The following HERC3 variants were observed in gnomAD, a reference collection of about 807,000 sequenced individuals.
HERC3 encodes the protein probable E3 ubiquitin-protein ligase HERC3.
A neutral mutation model predicts 129.9 loss-of-function variants in HERC3; 58 were observed. The observed-to-expected ratio is 0.45, with a 90% CI of 0.36 to 0.56. The LOEUF is 0.56. Among genes scored for constraint, HERC3 ranks in the 20% least tolerant of loss-of-function variants. The probability of loss-of-function intolerance (pLI) is 0.00; values close to 1 mark genes in which losing one functional copy is unlikely to be tolerated. For synonymous variants in HERC3, 430 were observed against 451.0 expected (o/e 0.95, Z 0.59); for missense variants, 835 against 1,244.2 (o/e 0.67, Z 4.95).
intron 23 of HERC3, chr4:88,690,407 T>C: frequency 1.0e-6 from 1 of 985,324 alleles, no homozygotes; most frequent in Non-Finnish European, 1.2e-6. Flanking sequence ...AGTACGTATG[T>C]AGATACATAC....
chr4:88,629,470 A>T (rs537317121), intron 3 of HERC3, among the ~76,000 whole-genome samples: 2 of 152,206 alleles, frequency 1.3e-5, no homozygotes, highest in Non-Finnish European at 1.5e-5. Flanking sequence ...TTTAATGACT[A>T]CATATTTCAT....
intron 3 of HERC3, among the ~76,000 whole-genome samples, chr4:88,637,391 A>G (rs1169009431): frequency 6.6e-6 from 1 of 152,166 alleles, no homozygotes; most frequent in Non-Finnish European, 1.5e-5. Context: ...GCGCCACTGC[A>G]CTCCAGCCTG....
chr4:88,549,505 A>G, the HERC3 span, among the ~76,000 whole-genome samples: 2 of 152,008 alleles, frequency 1.3e-5, no homozygotes, highest in Non-Finnish European at 2.9e-5. Flanking sequence ...CATTATTTTC[A>G]TCTTTATGTC....
intron 12 of HERC3, among the ~76,000 whole-genome samples, chr4:88,666,288 A>G (rs1006439204): frequency 5.9e-5 from 9 of 152,210 alleles, no homozygotes; most frequent in African/African-American, 1.7e-4. Context: ...ATCTCAGGAA[A>G]CCAATCAAAA....
the HERC3 span, among the ~76,000 whole-genome samples, chr4:88,579,893 T>C: frequency 6.6e-6 from 1 of 152,194 alleles, no homozygotes; most frequent in South Asian, 2.1e-4. Flanking sequence ...CTGTTAAATA[T>C]GGCAGACTTC....
the HERC3 span, among the ~76,000 whole-genome samples, chr4:88,578,532 A>G: frequency 6.6e-6 from 1 of 151,976 alleles, no homozygotes; most frequent in Non-Finnish European, 1.5e-5. Flanking sequence ...CAGTGAGCTA[A>G]GATCATGCCA....
At chr4:88,574,635 A>T in the HERC3 span, among the ~76,000 whole-genome samples, 148 of 152,234 alleles carry the variant, frequency 9.7e-4, no homozygotes, top group Middle Eastern at 6.8e-3. Context: ...TATAAACTTG[A>T]CTGCTTTAGG....
intron 23 of HERC3, chr4:88,693,659 C>T: frequency 1.0e-6 from 1 of 982,720 alleles, no homozygotes; most frequent in Non-Finnish European, 1.2e-6. Flanking sequence ...AAAGTGTGTA[C>T]ATGTGTGTAT....
At chr4:88,569,569 A>G in the HERC3 span, among the ~76,000 whole-genome samples, 1 of 152,194 alleles carries the variant, frequency 6.6e-6, no homozygotes, top group Admixed American at 6.5e-5. Context: ...GTTACTTTCA[A>G]TATATGTGGT....
At chr4:88,692,932 T>C in intron 23 of HERC3, 1 of 985,428 alleles carries the variant, frequency 1.0e-6, no homozygotes. Flanking sequence ...CTTTGCTGTT[T>C]TTCGTTTCAG....
At chr4:88,590,747 C>G (rs1721656852), upstream of HERC3, among the ~76,000 whole-genome samples, 1 of 152,182 alleles carries the variant, frequency 6.6e-6, no homozygotes, top group Non-Finnish European at 1.5e-5. Context: ...GGGCATTTAA[C>G]CAGTTCTTTT....
At chr4:88,704,863 C>CTTTCTTTTTTTTTTTTTTTTTTTT (rs1336673525) in intron 25 of HERC3, among the ~76,000 whole-genome samples, 9 of 130,672 alleles carry the variant, frequency 6.9e-5, no homozygotes, top group African/African-American at 9.0e-5. Context: ...TTCTTTCTTT[C>CTTTCTTTTTTTTTTTTTTTTTTTT]TTTTTTTTTT....
At chr4:88,544,619 C>G in the HERC3 span, among the ~76,000 whole-genome samples, 1 of 152,136 alleles carries the variant, frequency 6.6e-6, no homozygotes, top group Admixed American at 6.5e-5. Context: ...CACGTGCACA[C>G]GTATGTTTAT....
intron 2 of HERC3, among the ~76,000 whole-genome samples, chr4:88,603,151 T>C (rs1723201916): frequency 6.6e-6 from 1 of 152,066 alleles, no homozygotes; most frequent in Non-Finnish European, 1.5e-5. Context: ...AATCTACTGT[T>C]TACTGGCCAG....
At chr4:88,679,989 A>G (rs1485235097) in intron 19 of HERC3, 104 bp from the exon 20 acceptor site, 2 of 984,866 alleles carry the variant, frequency 2.0e-6, no homozygotes, top group Non-Finnish European at 2.9e-6. Context: ...ATTCTTTGTT[A>G]TGCTTTCCTT....
chr4:88,548,836 A>AT, the HERC3 span, among the ~76,000 whole-genome samples: 2 of 151,422 alleles, frequency 1.3e-5, no homozygotes, highest in South Asian at 2.1e-4. Context: ...AATTTTTTGT[A>AT]TTTTTTAGTA....
chr4:88,549,255 A>C, the HERC3 span, among the ~76,000 whole-genome samples: 2 of 152,000 alleles, frequency 1.3e-5, no homozygotes, highest in African/African-American at 4.8e-5. Flanking sequence ...TTTAATTTTA[A>C]TAACTTGCAT....
Position 88,624,758 on chromosome 4 carries a change from G to A in HERC3, c.226+18709G>A, listed in dbSNP as rs1010498892. Reference sequence around the variant, plus strand: ...TACTTTCACAGTTTATGCTTTTTGTGTCCTAAGAATTTTACCTAACTCACA... The same window carrying A: ...TACTTTCACAGTTTATGCTTTTTGTATCCTAAGAATTTTACCTAACTCACA... On this transcript the variant is annotated intron_variant, in intron 3 of 25. Coordinates refer to ENST00000402738, the MANE Select transcript of HERC3 (RefSeq NM_014606.3). 5.9e-5 allele frequency among the ~76,000 whole-genome samples: 9 copies of A among 152,174 alleles called. No homozygotes were observed. In the East Asian group the frequency reaches 1.7e-3, roughly 29 times the overall value.
intron 2 of HERC3, among the ~76,000 whole-genome samples, chr4:88,602,640 G>A (rs918023668): frequency 6.6e-6 from 1 of 151,878 alleles, no homozygotes; most frequent in Non-Finnish European, 1.5e-5. Context: ...ACCACACTTG[G>A]CTGATTTTAT....
Sources: allele counts gnomAD v4.1 joint callset (sites outside exome capture counted in the v4.1 genomes callset), GRCh38; gene constraint gnomAD v4.1.1; transcripts MANE v1.5; gene names NCBI Gene and HGNC (gene_info 2026-07-23, HGNC 2026-07-21).